FSTL5: variants seen among roughly 807,000 people sequenced by gnomAD.
FSTL5 encodes the protein follistatin like 5.
Under a neutral mutation model 89.1 loss-of-function variants are expected in FSTL5, and 62 were observed. That is an observed-to-expected ratio of 0.70 (90% CI 0.57 to 0.86). The LOEUF is 0.86. Among genes scored for constraint, FSTL5 ranks in the 40% least tolerant of loss-of-function variants. The pLI, the probability that FSTL5 is intolerant of heterozygous loss-of-function variation, is 0.00. For synonymous variants in FSTL5, 383 were observed against 346.2 expected (o/e 1.11, Z -1.18); for missense variants, 1,057 against 1,001.6 (o/e 1.06, Z -0.75).
intron 2 of FSTL5, among the ~76,000 whole-genome samples, chr4:162,048,446 A>C (rs1738271948): frequency 6.6e-6 from 1 of 152,118 alleles, no homozygotes; most frequent in South Asian, 2.1e-4. Flanking sequence ...GAATAATTTA[A>C]ATTGGTAACA....
intron 7 of FSTL5, among the ~76,000 whole-genome samples, chr4:161,589,227 G>A (rs1733724620): frequency 6.6e-6 from 1 of 151,866 alleles, no homozygotes. Context: ...AAGCTGAAGT[G>A]CAATGGCATG....
chr4:161,501,613 T>C (rs1357841189), intron 11 of FSTL5, among the ~76,000 whole-genome samples: 2 of 152,026 alleles, frequency 1.3e-5, no homozygotes, highest in African/African-American at 4.8e-5. Flanking sequence ...AGTACTTCTA[T>C]TTTAATAGAT....
chr4:161,670,499 G>A (rs1253852183), intron 6 of FSTL5, among the ~76,000 whole-genome samples: 1 of 152,114 alleles, frequency 6.6e-6, no homozygotes, highest in Admixed American at 6.6e-5. Context: ...CTAAATTAAT[G>A]AACTAATCCC....
intron 2 of FSTL5, among the ~76,000 whole-genome samples, chr4:162,062,039 T>A (rs1738734214): frequency 6.6e-6 from 1 of 151,998 alleles, no homozygotes; most frequent in African/African-American, 2.4e-5. Context: ...AGTTTCATTA[T>A]CAAAAGGACT....
At chr4:161,509,573 A>G (rs1424678244) in intron 11 of FSTL5, among the ~76,000 whole-genome samples, 1 of 152,080 alleles carries the variant, frequency 6.6e-6, no homozygotes, top group Non-Finnish European at 1.5e-5. Flanking sequence ...GAATTACTTG[A>G]GGCTTTGAGA....
At chr4:162,118,040 C>G (rs1457503659) in intron 1 of FSTL5, among the ~76,000 whole-genome samples, 1 of 152,068 alleles carries the variant, frequency 6.6e-6, no homozygotes, top group Non-Finnish European at 1.5e-5. Context: ...ATGGGAAGTT[C>G]TTTTGGGAAA....
At chr4:162,110,422 A>T (rs1327162541) in intron 2 of FSTL5, among the ~76,000 whole-genome samples, 2 of 151,974 alleles carry the variant, frequency 1.3e-5, no homozygotes, top group African/African-American at 2.4e-5. Context: ...GCAAAAATAT[A>T]TGCAGTGTAA....
chr4:161,782,891 T>A (rs758076719), intron 4 of FSTL5, among the ~76,000 whole-genome samples: 3 of 152,174 alleles, frequency 2.0e-5, no homozygotes, highest in Non-Finnish European at 4.4e-5. Context: ...GTAACTTTGC[T>A]CTTTTAACCC....
chr4:162,159,839 A>C lies in FSTL5; in HGVS notation c.-17+3776T>G, dbSNP rs534234477. On this transcript the variant is annotated intron_variant, in intron 1 of 15. Transcript: ENST00000306100. ...TTATTCCTGGCAAATATTCATTTTC[A>C]ATTGTTCCTTGCCTTGCCAATCAGC... Among the ~76,000 whole-genome samples, 15 of 152,010 alleles carry C rather than the reference A, an allele frequency of 9.9e-5. No individual in the cohort carries two copies. The South Asian group carries it at 2.7e-3, about 27-fold the overall frequency.
intron 7 of FSTL5, among the ~76,000 whole-genome samples, chr4:161,646,750 A>G (rs895126127): frequency 4.6e-5 from 7 of 152,168 alleles, no homozygotes; most frequent in Non-Finnish European, 8.8e-5. Flanking sequence ...ATATAGATCA[A>G]CTGTATATGC....
chr4:161,641,519 T>C (rs74877309), intron 7 of FSTL5, among the ~76,000 whole-genome samples: 1 of 151,384 alleles, frequency 6.6e-6, no homozygotes, highest in African/African-American at 2.4e-5. Context: ...GTTTTTTTTT[T>C]TGAGACTCTG....
intron 6 of FSTL5, among the ~76,000 whole-genome samples, chr4:161,739,883 T>C (rs1487781603): frequency 1.3e-5 from 2 of 152,108 alleles, no homozygotes; most frequent in Non-Finnish European, 2.9e-5. Flanking sequence ...TAATATCTGG[T>C]TTCTTTTGTA....
intron 2 of FSTL5, among the ~76,000 whole-genome samples, chr4:162,042,343 T>C (rs1348532160): frequency 6.6e-6 from 1 of 152,148 alleles, no homozygotes; most frequent in East Asian, 1.9e-4. Flanking sequence ...CCAATGAATA[T>C]GACATATAAA....
chr4:162,118,323 C>G (rs558507401), intron 1 of FSTL5, among the ~76,000 whole-genome samples: 1 of 152,016 alleles, frequency 6.6e-6, no homozygotes, highest in East Asian at 1.9e-4. Flanking sequence ...TGCAGTGGCG[C>G]GATCTCGGCT....
At chr4:161,607,019 A>G (rs1734471231) in intron 7 of FSTL5, among the ~76,000 whole-genome samples, 1 of 152,202 alleles carries the variant, frequency 6.6e-6, no homozygotes. Flanking sequence ...AAATGAAATG[A>G]TTTGAAGATT....
chr4:161,679,911 A>C (rs1260254691), intron 6 of FSTL5, among the ~76,000 whole-genome samples: 2 of 151,856 alleles, frequency 1.3e-5, no homozygotes, highest in African/African-American at 4.8e-5. Flanking sequence ...CTGAGTACAA[A>C]ACAATATTAA....
At position 162,079,877 on chromosome 4, in the gene FSTL5, T is replaced by C. The variant is rs935304036; in HGVS notation, c.126+31394A>G. Among the ~76,000 whole-genome samples, 87 of 151,464 alleles carry C rather than the reference T, an allele frequency of 5.7e-4. 1 individual carries two copies. Among genetic ancestry groups the C allele is most frequent in the Non-Finnish European group, 2.8e-4 (19 of 67,712 alleles). ...TGGGATGAGGAGCAAGAAACTATTG[T>C]TTCTTGTATATATATATAAGAAATA... is the stretch of plus-strand genomic sequence containing the variant. On this transcript the variant is annotated intron_variant, in intron 2 of 15. Transcript: ENST00000306100.
chr4:161,987,579 GAAATATATAATA>G (rs1736001355), intron 3 of FSTL5, among the ~76,000 whole-genome samples: 2 of 145,954 alleles, frequency 1.4e-5, no homozygotes, highest in South Asian at 2.1e-4. Context: ...TATATATAAA[GAAATATATAATA>G]AAATATATAA....
chr4:161,582,732 C>T (rs1733478248), intron 8 of FSTL5, among the ~76,000 whole-genome samples: 2 of 152,098 alleles, frequency 1.3e-5, no homozygotes, highest in Non-Finnish European at 2.9e-5. Context: ...TGGCTAGTTA[C>T]CTACTTGATA....
Sources: gnomAD v4.1 joint callset for allele counts (sites outside exome capture counted in the v4.1 genomes callset) on GRCh38, gnomAD v4.1.1 for gene constraint, MANE v1.5 for transcripts, NCBI Gene and HGNC (gene_info 2026-07-23, HGNC 2026-07-21) for gene names.